BRAF: variants seen among roughly 807,000 people sequenced by gnomAD.
BRAF encodes the protein serine/threonine-protein kinase B-raf.
BRAF carries 16 observed loss-of-function variants against 104.6 expected under a neutral mutation model. The observed-to-expected ratio is 0.15, with a 90% confidence interval of 0.10 to 0.23. The LOEUF is 0.23. BRAF is among the 10% of genes least tolerant of loss of function. The pLI is 1.00. For synonymous variants in BRAF, 310 were observed against 341.6 expected (o/e 0.91, Z 1.02); for missense variants, 541 against 937.3 (o/e 0.58, Z 5.52).
chr7:140,775,151 T>C (rs1800211605), intron 14 of BRAF, among the ~76,000 whole-genome samples: 1 of 151,952 alleles, frequency 6.6e-6, no homozygotes, highest in African/African-American at 2.4e-5. Flanking sequence ...AGGGGACATA[T>C]GAACCGAGAC....
chr7:140,918,568 A>G (rs1817868878), intron 1 of BRAF, among the ~76,000 whole-genome samples: 1 of 152,292 alleles, frequency 6.6e-6, no homozygotes, highest in Admixed American at 6.5e-5. Context: ...GCCCTGGGGT[A>G]ACCTCTGAAG....
intron 8 of BRAF, among the ~76,000 whole-genome samples, chr7:140,791,578 G>A (rs1801975677): frequency 7.0e-6 from 1 of 142,148 alleles, no homozygotes; most frequent in African/African-American, 2.5e-5. Context: ...GGCTTTAACT[G>A]ACATAAATAT....
At chr7:140,752,356 T>A (rs973260646) in intron 16 of BRAF, among the ~76,000 whole-genome samples, 1 of 152,170 alleles carries the variant, frequency 6.6e-6, no homozygotes, top group African/African-American at 2.4e-5. Context: ...ATGTCTGGCT[T>A]AACAGCAGCC....
chr7:140,745,563 C>T (rs1585983899), intron 17 of BRAF, among the ~76,000 whole-genome samples: 2 of 152,154 alleles, frequency 1.3e-5, no homozygotes, highest in East Asian at 3.9e-4. Flanking sequence ...GCTTCAAATT[C>T]TGGGACTGAT....
At position 140,834,796 on chromosome 7, in the gene BRAF, C is replaced by G. The variant is rs1322163182; in HGVS notation, c.317G>C (p.Gly106Ala). 1 of 1,614,170 alleles carries G rather than the reference C, an allele frequency of 6.2e-7. No individual in the cohort carries two copies. The highest frequency in any genetic ancestry group is 1.3e-5 in the African/African-American group (1 of 75,046). The change falls in exon 3 of 20, where the codon GGA becomes GCA. Residue 106 changes from glycine to alanine, a missense_variant. This residue lies in a region of BRAF where 86 missense variants were observed against 133.9 expected (regional missense o/e 0.64). Coordinates refer to ENST00000644969, the MANE Select transcript of BRAF (RefSeq NM_001374258.1). Reference sequence around the variant, plus strand: ...AGAGCTAGAAACAGAAAAATCAGTTCCGTTCCCCAGAGATTCCAATAACTG... The same window carrying G: ...AGAGCTAGAAACAGAAAAATCAGTTGCGTTCCCCAGAGATTCCAATAACTG... Reference protein sequence around the residue: ...EQQLLESLGNGTDFSVSSSAS... With the variant: ...EQQLLESLGNATDFSVSSSAS...
At chr7:140,857,540 G>A (rs1455696317) in intron 1 of BRAF, among the ~76,000 whole-genome samples, 1 of 152,104 alleles carries the variant, frequency 6.6e-6, no homozygotes, top group African/African-American at 2.4e-5. Flanking sequence ...ATACATGAAA[G>A]TAAACCTAAA....
At chr7:140,809,398 T>C (rs1803987654) in intron 3 of BRAF, among the ~76,000 whole-genome samples, 1 of 152,208 alleles carries the variant, frequency 6.6e-6, no homozygotes, top group Admixed American at 6.5e-5. Flanking sequence ...TCACACTGAC[T>C]GTCCTTAAGA....
At chr7:140,881,292 AAG>A (rs1812877430) in intron 1 of BRAF, among the ~76,000 whole-genome samples, 2 of 152,232 alleles carry the variant, frequency 1.3e-5, no homozygotes, top group African/African-American at 2.4e-5. Flanking sequence ...AGCCTCTAGT[AAG>A]AGTCAGCCTG....
At chr7:140,734,570 T>C (rs1796220161) in intron 19 of BRAF, 2 of 1,613,532 alleles carry the variant, frequency 1.2e-6, no homozygotes, top group Admixed American at 3.3e-5. Flanking sequence ...TTGTTGCTAC[T>C]CTCCTGAACT....
At chr7:140,844,147 CCCCT>C (rs1416133142) in intron 2 of BRAF, among the ~76,000 whole-genome samples, 1 of 152,148 alleles carries the variant, frequency 6.6e-6, no homozygotes, top group African/African-American at 2.4e-5. Flanking sequence ...AGAACCCCTT[CCCCT>C]CCCTTGTCCA....
At chr7:140,882,017 T>C (rs552154739) in intron 1 of BRAF, among the ~76,000 whole-genome samples, 1 of 152,302 alleles carries the variant, frequency 6.6e-6, no homozygotes, top group South Asian at 2.1e-4. Flanking sequence ...AAAGTGAGCA[T>C]GTGCTGTTGG....
At chr7:140,785,828 G>C (rs555944045) in intron 9 of BRAF, 1 of 398,828 alleles carries the variant, frequency 2.5e-6, no homozygotes, top group Non-Finnish European at 4.4e-6. Flanking sequence ...GAGAAAGAGA[G>C]GGGCAGGCAA....
At chr7:140,728,819 A>G (rs1165353877) in intron 19 of BRAF, among the ~76,000 whole-genome samples, 1 of 152,190 alleles carries the variant, frequency 6.6e-6, no homozygotes, top group East Asian at 1.9e-4. Flanking sequence ...TAAGATTTAT[A>G]GAAAAGAAAT....
intron 1 of BRAF, among the ~76,000 whole-genome samples, chr7:140,893,997 G>A (rs1224785954): frequency 6.6e-6 from 1 of 152,060 alleles, no homozygotes; most frequent in Non-Finnish European, 1.5e-5. Flanking sequence ...AGCCAGGTGT[G>A]GTAGCACATG....
chr7:140,725,591 A>G lies in BRAF; in HGVS notation c.*903T>C, dbSNP rs1044781730. 9.5e-7 allele frequency: 1 copy of G among 1,057,232 alleles called. No individual in the cohort carries two copies. Among genetic ancestry groups the G allele is most frequent in the Non-Finnish European group, 1.1e-6 (1 of 874,356 alleles). 65.5% of individuals were successfully genotyped at this position (1,057,232 alleles called of 1,614,324 possible). On this transcript the variant is annotated 3_prime_UTR_variant, in exon 20 of 20. Transcript: ENST00000644969. The stretch of plus-strand genomic sequence containing the variant: ...TGTGGGGGTTTAGTTAGATACTGCC[A>G]CGGCATTTTGTGCCCTGGACAAAGT...
intron 1 of BRAF, among the ~76,000 whole-genome samples, chr7:140,866,844 C>T (rs1441972795): frequency 1.3e-5 from 2 of 151,794 alleles, no homozygotes; most frequent in Non-Finnish European, 2.9e-5. Context: ...TGTACTTTTT[C>T]GTAAACCCTG....
At chr7:140,773,100 T>C (rs1800005691) in intron 14 of BRAF, among the ~76,000 whole-genome samples, 1 of 152,150 alleles carries the variant, frequency 6.6e-6, no homozygotes, top group Non-Finnish European at 1.5e-5. Flanking sequence ...TGATAGGTTT[T>C]TTGGAGGTGG....
intron 3 of BRAF, among the ~76,000 whole-genome samples, chr7:140,815,767 T>A (rs1484061028): frequency 1.3e-5 from 2 of 151,986 alleles, no homozygotes; most frequent in Non-Finnish European, 2.9e-5. Flanking sequence ...GAAAAAAAAA[T>A]TGTTATGATC....
At chr7:140,775,844 G>A in intron 14 of BRAF, among the ~76,000 whole-genome samples, 1 of 152,192 alleles carries the variant, frequency 6.6e-6, no homozygotes, top group Non-Finnish European at 1.5e-5. Flanking sequence ...AGAAAGAGAA[G>A]GTGGTATAGT....
Sources: gnomAD v4.1 joint callset for allele counts (sites outside exome capture counted in the v4.1 genomes callset) on GRCh38, gnomAD v4.1.1 for gene constraint, gnomAD v4.1.1 regional missense constraint, MANE v1.5 for transcripts, NCBI Gene and HGNC (gene_info 2026-07-23, HGNC 2026-07-21) for gene names.